The following TDRD3 variants were observed in gnomAD, a reference collection of about 807,000 sequenced individuals.
TDRD3 encodes the protein tudor domain-containing protein 3.
A neutral mutation model predicts 86.7 loss-of-function variants in TDRD3; 45 were observed. The observed-to-expected ratio is 0.52, with a 90% CI of 0.41 to 0.67. The LOEUF (loss-of-function observed/expected upper bound fraction) is 0.67. Ranked by LOEUF, TDRD3 falls within the 30% of genes least tolerant of loss-of-function variation. The pLI is 0.00. For missense variants in TDRD3, 814 were observed against 889.0 expected (o/e 0.92, Z 1.07); for synonymous variants, 298 against 301.7 (o/e 0.99, Z 0.13).
At chr13:60,434,552 TTGTC>T (rs1399749896) in intron 1 of TDRD3, among the ~76,000 whole-genome samples, 1 of 152,154 alleles carries the variant, frequency 6.6e-6, no homozygotes, top group Non-Finnish European at 1.5e-5. Context: ...TGAGAAATAT[TTGTC>T]TGTTCTGTGA....
In TDRD3 at chr13:60,453,901, G is replaced by GT. The variant is rs963929078; in HGVS notation, c.193-6471dup. Among the ~76,000 whole-genome samples, 13 of 150,582 alleles carry GT rather than the reference G, an allele frequency of 8.6e-5. No individual in the cohort carries two copies. The South Asian group carries it at 1.3e-3, about 15-fold the overall frequency. On this transcript the variant is annotated intron_variant, in intron 3 of 13. Transcript: ENST00000377881. ...GACAACTTCTTAATTCAACTCATTAGTTTTTTTTGTTTTTTTTTCAGTTCT... is the reference window on the plus strand; with the variant it reads ...GACAACTTCTTAATTCAACTCATTAGTTTTTTTTTGTTTTTTTTTCAGTTCT...
chr13:60,536,640 C>G (rs2137822574), intron 12 of TDRD3: 1 of 152,136 alleles, frequency 6.6e-6, no homozygotes, highest in Non-Finnish European at 1.5e-5. Flanking sequence ...CCATAGCAGT[C>G]AAAGATTGAA....
chr13:60,467,493 G>A, intron 5 of TDRD3, 114 bp downstream of exon 5: 1 of 1,141,096 alleles, frequency 8.8e-7, no homozygotes. Context: ...TGAATAGAAT[G>A]GAATATGATT....
intron 12 of TDRD3, among the ~76,000 whole-genome samples, chr13:60,554,369 T>C (rs1039113020): frequency 2.6e-5 from 4 of 152,196 alleles, no homozygotes; most frequent in Non-Finnish European, 5.9e-5. Flanking sequence ...ACTTGAACTT[T>C]CCTAGTCTTT....
In TDRD3 at chr13:60,528,781, ATCCACT is replaced by A. The variant is rs758635584; in HGVS notation, c.1560_1565del (p.Leu521_Pro522del). On this transcript the variant is annotated inframe_deletion, in exon 11 of 14. Coordinates refer to ENST00000377881, the MANE Select transcript of TDRD3 (RefSeq NM_001146070.2). ...CCCTCCTTTGCAGAGGCAAAAGAAAATCCACTTCCTCAAGGATCTGTAGATTATAAT... is the reference window on the plus strand; with the variant it reads ...CCCTCCTTTGCAGAGGCAAAAGAAAATCCTCAAGGATCTGTAGATTATAAT... The A allele has an allele frequency of 6.2e-7, 1 of 1,613,866 alleles. No homozygotes were observed. Among genetic ancestry groups the A allele is most frequent in the Non-Finnish European group, 8.5e-7 (1 of 1,179,910 alleles).
chr13:60,424,688 A>T (rs1258951622), intron 1 of TDRD3, among the ~76,000 whole-genome samples: 1 of 152,176 alleles, frequency 6.6e-6, no homozygotes, highest in Non-Finnish European at 1.5e-5. Context: ...AAAAATAAAT[A>T]AAAATAAAGC....
At chr13:60,553,468 C>G (rs765980153) in intron 12 of TDRD3, among the ~76,000 whole-genome samples, 42 of 152,106 alleles carry the variant, frequency 2.8e-4, no homozygotes, top group Admixed American at 5.2e-4. Context: ...AGCAGTACCC[C>G]ACTCTGCTGG....
chr13:60,561,925 A>T (rs1259276108), intron 12 of TDRD3, among the ~76,000 whole-genome samples: 1 of 151,614 alleles, frequency 6.6e-6, no homozygotes, highest in African/African-American at 2.4e-5. Context: ...TTAAAGTGGA[A>T]TTTTTTTAAA....
In TDRD3 at chr13:60,562,329, G is replaced by A. The variant is rs147012856; in HGVS notation, c.2119-5196G>A. Among the ~76,000 whole-genome samples, 740 of 126,096 alleles carry A rather than the reference G, an allele frequency of 5.9e-3. 3 individuals carry two copies. Among genetic ancestry groups the A allele is most frequent in the Middle Eastern group, 0.028 (7 of 250 alleles). 82.7% of individuals were successfully genotyped at this position (126,096 alleles called of 152,430 possible). A position where few individuals can be genotyped will look rare whatever the true frequency, so the allele number is the denominator to read the frequency against. Reference sequence around the variant, plus strand: ...CTCAGTCTCCCTTCCCCCCACCCCCGGCAAAAAAAAAGAAAAGAAAAGCTG... The same window carrying A: ...CTCAGTCTCCCTTCCCCCCACCCCCAGCAAAAAAAAAGAAAAGAAAAGCTG... On this transcript the variant is annotated intron_variant, in intron 12 of 13. Transcript: ENST00000377881.
chr13:60,477,268 A>G (rs944434273), intron 5 of TDRD3, among the ~76,000 whole-genome samples: 2 of 151,698 alleles, frequency 1.3e-5, no homozygotes, highest in Non-Finnish European at 2.9e-5. Context: ...AGGCTGAAGC[A>G]CAATGGCAGA....
intron 12 of TDRD3, among the ~76,000 whole-genome samples, chr13:60,566,510 ATAAAG>A (rs1198396715): frequency 6.6e-6 from 1 of 152,192 alleles, no homozygotes; most frequent in East Asian, 1.9e-4. Context: ...AGATTCAAAG[ATAAAG>A]TAAGGAAGAG....
intron 4 of TDRD3, among the ~76,000 whole-genome samples, chr13:60,461,867 A>C (rs1955811225): frequency 6.6e-6 from 1 of 152,224 alleles, no homozygotes; most frequent in Admixed American, 6.5e-5. Flanking sequence ...TAGCACATGC[A>C]GAGACACAGT....
At chr13:60,423,443 G>A (rs745462114) in intron 1 of TDRD3, among the ~76,000 whole-genome samples, 1 of 152,118 alleles carries the variant, frequency 6.6e-6, no homozygotes, top group East Asian at 1.9e-4. Flanking sequence ...GATCTTCTGG[G>A]TATACTGTAT....
intron 1 of TDRD3, among the ~76,000 whole-genome samples, chr13:60,397,719 C>T (rs1231956823): frequency 6.6e-6 from 1 of 150,838 alleles, no homozygotes. Context: ...AGACCCCGGC[C>T]GACCGGAGCG....
chr13:60,569,869 T>C (rs967499292), intron 13 of TDRD3, among the ~76,000 whole-genome samples: 2 of 152,190 alleles, frequency 1.3e-5, no homozygotes, highest in African/African-American at 2.4e-5. Flanking sequence ...GATATCCGTA[T>C]ATGGATGAAT....
chr13:60,534,674 C>G (rs1363139529), intron 11 of TDRD3, among the ~76,000 whole-genome samples: 1 of 151,528 alleles, frequency 6.6e-6, no homozygotes, highest in African/African-American at 2.4e-5. Flanking sequence ...ACCTTTTATC[C>G]CAGTACTGTG....
In TDRD3 at chr13:60,494,508, G is replaced by A; in HGVS notation, c.791G>A (p.Arg264Lys). ...ATGAATGCTGCTGGTAACCGAAATA[G>A]GGAAGTTTTACAGAAAGAAAAGTCA... ...LNMNAAGNRN[R>K]EVLQKEKSTK... The change falls in exon 8 of 14, where the codon AGG (arginine) becomes AAG (lysine). Residue 264 changes from arginine to lysine, a missense_variant. Arg to Lys is a conservative substitution (Grantham distance 26, BLOSUM62 2). Transcript: ENST00000377881. The A allele has an allele frequency of 6.2e-7, 1 of 1,613,746 alleles. No individual in the cohort carries two copies. Among genetic ancestry groups the A allele is most frequent in the Non-Finnish European group, 8.5e-7 (1 of 1,179,830 alleles).
intron 1 of TDRD3, among the ~76,000 whole-genome samples, chr13:60,414,525 C>G (rs1391374989): frequency 6.6e-6 from 1 of 152,088 alleles, no homozygotes; most frequent in Admixed American, 6.6e-5. Flanking sequence ...TTCTTTATTA[C>G]TTAGAAAAAA....
chr13:60,535,261 C>A, intron 12 of TDRD3, 28 bp downstream of exon 12: 2 of 1,576,412 alleles, frequency 1.3e-6, no homozygotes, highest in South Asian at 1.2e-5. Context: ...TGTACAAAGG[C>A]ATAAACTATT....
Sources: allele counts gnomAD v4.1 joint callset (sites outside exome capture counted in the v4.1 genomes callset), GRCh38; gene constraint gnomAD v4.1.1; transcripts MANE v1.5; gene names NCBI Gene and HGNC (gene_info 2026-07-23, HGNC 2026-07-21).